The following LRBA variants were observed in gnomAD, a reference collection of about 807,000 sequenced individuals.
LRBA encodes LPS responsive beige-like anchor protein.
LRBA carries 176 observed loss-of-function variants against 330.0 expected under a neutral mutation model. That is an observed-to-expected ratio of 0.53 (90% confidence interval 0.47 to 0.60). LRBA has a LOEUF of 0.60. Among genes scored for constraint, LRBA ranks in the 20% least tolerant of loss-of-function variants. LRBA has a pLI of 0.00. For synonymous variants in LRBA, 1,230 were observed against 1,193.0 expected, an observed-to-expected ratio of 1.03 and a Z score of -0.64; for missense variants, 3,259 against 3,444.8, an observed-to-expected ratio of 0.95 and a Z score of 1.35.
chr4:150,716,582 T>TA, intron 36 of LRBA, among the ~76,000 whole-genome samples: 1 of 152,136 alleles, frequency 6.6e-6, no homozygotes, highest in East Asian at 1.9e-4. Context: ...TTTTCTATAT[T>TA]AAAAAATACT....
At chr4:150,569,126 A>G (rs1383820915) in intron 40 of LRBA, among the ~76,000 whole-genome samples, 2 of 152,098 alleles carry the variant, frequency 1.3e-5, no homozygotes, top group African/African-American at 2.4e-5. Context: ...TAAATGTTTC[A>G]TATGTGCTAT....
At chr4:150,559,557 T>A (rs1047898762) in intron 40 of LRBA, among the ~76,000 whole-genome samples, 1 of 124,184 alleles carries the variant, frequency 8.1e-6, no homozygotes, top group African/African-American at 3.1e-5. Context: ...TAAATATATA[T>A]ATTTATATAA....
At chr4:150,670,038 A>G (rs1025452498) in intron 37 of LRBA, among the ~76,000 whole-genome samples, 1 of 152,180 alleles carries the variant, frequency 6.6e-6, no homozygotes, top group African/African-American at 2.4e-5. Flanking sequence ...ACGTTTCTAC[A>G]TATTAACTAT....
intron 37 of LRBA, among the ~76,000 whole-genome samples, chr4:150,633,470 T>A (rs1777577430): frequency 6.6e-6 from 1 of 152,184 alleles, no homozygotes; most frequent in Non-Finnish European, 1.5e-5. Context: ...AATGAATAAA[T>A]CCATCTCAAT....
chr4:150,715,436 T>C lies in LRBA; in HGVS notation c.5754+19822A>G, dbSNP rs184517993. ...TGGCTATGTGCAAAGATGTAATAAA[T>C]AAAATAATAAAAACAAACAGTTTAA... On this transcript the variant is annotated intron_variant, in intron 36 of 56. Transcript: ENST00000651943. Among the ~76,000 whole-genome samples the C allele has an allele frequency of 1.6e-4, 24 of 152,096 alleles. No homozygotes were observed. The East Asian group carries it at 3.1e-3, about 20-fold the overall frequency.
chr4:150,347,998 CATTT>C (rs1177885445), intron 48 of LRBA, among the ~76,000 whole-genome samples: 1 of 152,144 alleles, frequency 6.6e-6, no homozygotes, highest in African/African-American at 2.4e-5. Context: ...TAAAATTAAG[CATTT>C]AGTTCCTTAG....
chr4:150,682,624 A>T (rs1046919306), intron 37 of LRBA, among the ~76,000 whole-genome samples: 2 of 152,052 alleles, frequency 1.3e-5, no homozygotes, highest in East Asian at 1.9e-4. Flanking sequence ...AAAAGTTAAA[A>T]TTTTTTTCTT....
At chr4:150,270,435 C>T (rs1433415235) in intron 56 of LRBA, among the ~76,000 whole-genome samples, 2 of 152,088 alleles carry the variant, frequency 1.3e-5, no homozygotes, top group East Asian at 3.9e-4. Flanking sequence ...AAGCCAGGCA[C>T]AACACAACAA....
At chr4:150,353,836 C>T (rs1298178242) in intron 47 of LRBA, among the ~76,000 whole-genome samples, 1 of 152,096 alleles carries the variant, frequency 6.6e-6, no homozygotes, top group African/African-American at 2.4e-5. Context: ...CATGAATATA[C>T]TTTAAATAAT....
chr4:150,561,387 T>G (rs1415125401), intron 40 of LRBA, among the ~76,000 whole-genome samples: 1 of 152,132 alleles, frequency 6.6e-6, no homozygotes, highest in Non-Finnish European at 1.5e-5. Flanking sequence ...ATTAATACCA[T>G]AAAAGGCAAA....
At chr4:150,438,614 GATT>G (rs1244294652) in intron 44 of LRBA, among the ~76,000 whole-genome samples, 2 of 152,048 alleles carry the variant, frequency 1.3e-5, no homozygotes, top group Non-Finnish European at 2.9e-5. Context: ...GAAAATATCT[GATT>G]ATTTGTGGAG....
At chr4:150,915,848 C>G in intron 7 of LRBA, 121 bp from the exon 8 acceptor site, 1 of 637,624 alleles carries the variant, frequency 1.6e-6, no homozygotes, top group South Asian at 4.5e-5. Context: ...AACAAGACTA[C>G]CTTTGTTAAA....
intron 2 of LRBA, among the ~76,000 whole-genome samples, chr4:150,974,433 T>C (rs1041592125): frequency 6.6e-6 from 1 of 151,962 alleles, no homozygotes; most frequent in African/African-American, 2.4e-5. Flanking sequence ...CCGAGATTGT[T>C]GTAAGCTGAA....
intron 40 of LRBA, among the ~76,000 whole-genome samples, chr4:150,545,448 T>C (rs925697829): frequency 2.6e-5 from 4 of 152,158 alleles, no homozygotes; most frequent in African/African-American, 9.6e-5. Context: ...TTTATTTTAC[T>C]TATTGCACTT....
Position 150,293,018 on chromosome 4 carries a change from G to GA in LRBA, c.8018-6985dup, listed in dbSNP as rs1272543852. Among the ~76,000 whole-genome samples, 5 of 151,772 alleles carry GA rather than the reference G, an allele frequency of 3.3e-5. No homozygotes were observed. The South Asian group carries it at 6.3e-4, about 19-fold the overall frequency. On this transcript the variant is annotated intron_variant, in intron 53 of 56. Coordinates refer to ENST00000651943, the MANE Select transcript of LRBA (RefSeq NM_001364905.1). ...TATAAAAAAAGTAATAATTTCAATA[G>GA]AAAACAAATTAAGAAATAAAATATA...
intron 36 of LRBA, among the ~76,000 whole-genome samples, chr4:150,723,543 G>A (rs981623116): frequency 2.0e-5 from 3 of 152,162 alleles, no homozygotes; most frequent in Non-Finnish European, 2.9e-5. Context: ...CTTGGGCCCT[G>A]AATAACCAGC....
intron 2 of LRBA, among the ~76,000 whole-genome samples, chr4:150,941,440 C>T (rs565188735): frequency 2.0e-5 from 3 of 152,122 alleles, no homozygotes; most frequent in Admixed American, 6.5e-5. Context: ...CGTGAGCCAC[C>T]GCACCTGGCC....
At position 150,583,728 on chromosome 4, in the gene LRBA, G is replaced by T. The variant is rs1258769363; in HGVS notation, c.6330+4320C>A. 3 of 1,613,620 alleles carry T rather than the reference G, an allele frequency of 1.9e-6. No individual in the cohort carries two copies. The South Asian group carries it at 3.3e-5, about 18-fold the overall frequency. ...CAGAGAGCGACGCCTGGGTGCTACA[G>T]TTCGGGGAGGCGGAGAACCGCCTGC... On this transcript the variant is annotated intron_variant, in intron 40 of 56. Transcript: ENST00000651943. The surrounding 1 kb of genome is among the most constrained non-coding windows in gnomAD (Gnocchi z 9.8).
chr4:150,326,995 T>C (rs1348665226), intron 48 of LRBA, among the ~76,000 whole-genome samples: 1 of 152,020 alleles, frequency 6.6e-6, no homozygotes, highest in Non-Finnish European at 1.5e-5. Context: ...TGATTAAACA[T>C]CAAGAACAAG....
Sources: gnomAD v4.1 joint callset for allele counts (sites outside exome capture counted in the v4.1 genomes callset) on GRCh38, gnomAD v4.1.1 for gene constraint, Gnocchi (gnomAD v3.1) non-coding constraint, MANE v1.5 for transcripts, NCBI Gene and HGNC (gene_info 2026-07-23, HGNC 2026-07-21) for gene names.